The following ASTN2 variants were observed in gnomAD, a reference collection of about 807,000 sequenced individuals.
ASTN2 encodes astrotactin 2.
A neutral mutation model predicts 139.8 loss-of-function variants in ASTN2; 54 were observed. The ratio of observed to expected loss-of-function variants is 0.39; its 90% CI spans 0.31 to 0.48. The LOEUF is 0.48. ASTN2 is among the 20% of genes least tolerant of loss of function. ASTN2 has a pLI of 0.95. For missense variants in ASTN2, 1,565 were observed against 1,725.1 expected (o/e 0.91, Z 1.64); for synonymous variants, 756 against 719.5 (o/e 1.05, Z -0.81).
chr9:117,052,362 C>T (rs1401094307), intron 5 of ASTN2, among the ~76,000 whole-genome samples: 1 of 151,226 alleles, frequency 6.6e-6, no homozygotes, highest in African/African-American at 2.4e-5. Flanking sequence ...ATGGTGTGAA[C>T]CCAGGAGGCG....
intron 3 of ASTN2, among the ~76,000 whole-genome samples, chr9:117,188,174 GAGAGAGAGAGAGAGAGAGAC>G (rs767625906): frequency 0.055 from 6,971 of 126,374 alleles, 214 homozygotes; most frequent in Admixed American, 0.099. Flanking sequence ...GATAGAGAGA[GAGAGAGAGAGAGAGAGAGAC>G]AGAGAGAGAG....
At chr9:117,007,779 C>T (rs1452924608) in intron 7 of ASTN2, among the ~76,000 whole-genome samples, 1 of 152,064 alleles carries the variant, frequency 6.6e-6, no homozygotes, top group Non-Finnish European at 1.5e-5. Context: ...TGCTCAAGAT[C>T]ACCCAGCTAG....
chr9:116,533,713 A>T (rs1210270377), intron 19 of ASTN2, among the ~76,000 whole-genome samples: 2 of 152,204 alleles, frequency 1.3e-5, no homozygotes, highest in Non-Finnish European at 2.9e-5. Flanking sequence ...GATGAAGCCC[A>T]CTTGATCATG....
intron 7 of ASTN2, among the ~76,000 whole-genome samples, chr9:116,981,805 A>T (rs568686767): frequency 6.6e-6 from 1 of 152,202 alleles, no homozygotes; most frequent in East Asian, 1.9e-4. Context: ...AAAAACATAC[A>T]TGTATATGTT....
intron 10 of ASTN2, among the ~76,000 whole-genome samples, chr9:116,896,178 G>A (rs1482189797): frequency 6.6e-6 from 1 of 152,166 alleles, no homozygotes; most frequent in African/African-American, 2.4e-5. Flanking sequence ...AAGGAATGTG[G>A]TAATAGTAGT....
intron 12 of ASTN2, among the ~76,000 whole-genome samples, chr9:116,818,384 C>T (rs1191602783): frequency 1.3e-5 from 2 of 152,240 alleles, no homozygotes; most frequent in East Asian, 3.8e-4. Context: ...TAATAGCTTT[C>T]ATTGTTTACA....
At chr9:116,526,748 GATTT>G (rs2119264592) in intron 19 of ASTN2, among the ~76,000 whole-genome samples, 1 of 152,244 alleles carries the variant, frequency 6.6e-6, no homozygotes, top group South Asian at 2.1e-4. Flanking sequence ...ATCCCTAGCA[GATTT>G]GTTTAAGCTT....
chr9:117,286,354 C>CTTTTT (rs35094114), intron 2 of ASTN2, among the ~76,000 whole-genome samples: 3 of 135,750 alleles, frequency 2.2e-5, no homozygotes, highest in Admixed American at 7.8e-5. Context: ...TTCCCACTTT[C>CTTTTT]TTTTTTTTTT....
intron 1 of ASTN2, among the ~76,000 whole-genome samples, chr9:117,390,017 C>G (rs1028545856): frequency 6.6e-6 from 1 of 152,094 alleles, no homozygotes; most frequent in Non-Finnish European, 1.5e-5. Flanking sequence ...CAAGCCTTGA[C>G]AGCAGTGGCT....
At chr9:117,103,415 T>C (rs1829029317) in intron 4 of ASTN2, among the ~76,000 whole-genome samples, 1 of 152,180 alleles carries the variant, frequency 6.6e-6, no homozygotes, top group Admixed American at 6.5e-5. Flanking sequence ...AAACTAGGAA[T>C]TTGACCCCAG....
At chr9:116,871,109 T>A (rs1833153792) in intron 10 of ASTN2, among the ~76,000 whole-genome samples, 1 of 151,908 alleles carries the variant, frequency 6.6e-6, no homozygotes, top group African/African-American at 2.4e-5. Context: ...ATACAAAAAA[T>A]TAGCTGGGTG....
intron 13 of ASTN2, among the ~76,000 whole-genome samples, chr9:116,773,546 A>G (rs1830007667): frequency 6.6e-6 from 1 of 152,204 alleles, no homozygotes; most frequent in African/African-American, 2.4e-5. Flanking sequence ...TGGGCTTTAA[A>G]AAGTTGCAAT....
intron 6 of ASTN2, among the ~76,000 whole-genome samples, chr9:117,015,910 C>G (rs1433059082): frequency 6.6e-6 from 1 of 152,030 alleles, no homozygotes; most frequent in African/African-American, 2.4e-5. Context: ...TTGAGTCTTT[C>G]TAGTCCAGAA....
intron 3 of ASTN2, among the ~76,000 whole-genome samples, chr9:117,183,395 T>TA (rs1418503807): frequency 6.6e-6 from 1 of 152,206 alleles, no homozygotes; most frequent in Non-Finnish European, 1.5e-5. Context: ...TAACTAACAT[T>TA]AATTGACCCT....
At chr9:116,933,617 A>T (rs1834974669) in intron 10 of ASTN2, among the ~76,000 whole-genome samples, 1 of 152,066 alleles carries the variant, frequency 6.6e-6, no homozygotes, top group African/African-American at 2.4e-5. Context: ...TAAAGCTATT[A>T]CTTATTGGCA....
intron 1 of ASTN2, among the ~76,000 whole-genome samples, chr9:117,384,126 T>C (rs1830338573): frequency 6.6e-6 from 1 of 152,142 alleles, no homozygotes; most frequent in Non-Finnish European, 1.5e-5. Context: ...GGGACTGAGC[T>C]GCTGGGCGGG....
chr9:116,426,198 A>G, intron 22 of ASTN2, 110 bp from the exon 23 acceptor site: 5 of 1,374,816 alleles, frequency 3.6e-6, no homozygotes, highest in African/African-American at 2.8e-5. Context: ...ACCATTTCCT[A>G]TCTACTCCAG....
chr9:116,884,561 G>T (rs1305730957), intron 10 of ASTN2, among the ~76,000 whole-genome samples: 1 of 151,400 alleles, frequency 6.6e-6, no homozygotes, highest in East Asian at 2.0e-4. Context: ...AATACCAGAG[G>T]AATCTCTTGA....
chr9:116,861,115 C>A (rs1466386086), intron 11 of ASTN2, among the ~76,000 whole-genome samples: 2 of 151,938 alleles, frequency 1.3e-5, no homozygotes, highest in South Asian at 2.1e-4. Flanking sequence ...ACCGTTGAAT[C>A]TTCTCTTATC....
Sources: allele counts gnomAD v4.1 joint callset (sites outside exome capture counted in the v4.1 genomes callset), GRCh38; gene constraint gnomAD v4.1.1; transcripts MANE v1.5; gene names NCBI Gene and HGNC (gene_info 2026-07-23, HGNC 2026-07-21).